Variants in BAIAP2L1 observed in about 807,000 individuals in gnomAD.
BAIAP2L1 encodes BAR/IMD domain containing adaptor protein 2 like 1.
In BAIAP2L1, 35 loss-of-function variants were observed where a neutral mutation model predicts 66.3. The ratio of observed to expected loss-of-function variants is 0.53; its 90% CI spans 0.40 to 0.70. The LOEUF is 0.70. BAIAP2L1 is among the 30% of genes least tolerant of loss of function. BAIAP2L1 has a pLI of 0.00. For synonymous variants in BAIAP2L1, 269 were observed against 248.7 expected (o/e 1.08, Z -0.77); for missense variants, 622 against 656.9 (o/e 0.95, Z 0.58).
intron 1 of BAIAP2L1, chr7:98,386,227 A>C (rs1234360970): frequency 1.9e-6 from 3 of 1,544,014 alleles, no homozygotes. Flanking sequence ...GTGAGCTTCA[A>C]TCATTGTCTG....
intron 1 of BAIAP2L1, among the ~76,000 whole-genome samples, chr7:98,397,731 A>C (rs1803250125): frequency 6.6e-6 from 1 of 152,104 alleles, no homozygotes; most frequent in African/African-American, 2.4e-5. Context: ...TCATCAGAAA[A>C]CCATGCAAAA....
chr7:98,301,462 C>CT (rs61208842), intron 12 of BAIAP2L1, among the ~76,000 whole-genome samples: 84 of 130,670 alleles, frequency 6.4e-4, no homozygotes, highest in East Asian at 1.4e-3. Flanking sequence ...AGCCTTCTAG[C>CT]TTTTTTTTTT....
chr7:98,315,146 G>C (rs563135394), intron 7 of BAIAP2L1, among the ~76,000 whole-genome samples: 1 of 152,282 alleles, frequency 6.6e-6, no homozygotes, highest in South Asian at 2.1e-4. Context: ...GATTGAGACA[G>C]GGTCCCGCTC....
At chr7:98,337,813 G>A (rs765402373) in intron 3 of BAIAP2L1, among the ~76,000 whole-genome samples, 1 of 152,048 alleles carries the variant, frequency 6.6e-6, no homozygotes, top group Non-Finnish European at 1.5e-5. Context: ...AGCTACTCAG[G>A]AGGCTAAGGT....
chr7:98,336,275 CA>C (rs1801614715), intron 3 of BAIAP2L1, among the ~76,000 whole-genome samples: 1 of 152,192 alleles, frequency 6.6e-6, no homozygotes, highest in Admixed American at 6.5e-5. Flanking sequence ...CAAACCCACA[CA>C]TGCACCCCCC....
chr7:98,346,822 C>T (rs1801881305), intron 3 of BAIAP2L1, among the ~76,000 whole-genome samples: 1 of 152,076 alleles, frequency 6.6e-6, no homozygotes, highest in African/African-American at 2.4e-5. Context: ...CTGAGTCAAA[C>T]GTAGATGGAA....
At chr7:98,381,685 T>C (rs769334128) in intron 1 of BAIAP2L1, among the ~76,000 whole-genome samples, 3 of 152,176 alleles carry the variant, frequency 2.0e-5, no homozygotes, top group Non-Finnish European at 4.4e-5. Flanking sequence ...TGACCTTTCA[T>C]TCAGTTGCTT....
intron 8 of BAIAP2L1, 42 bp from the exon 9 acceptor site, chr7:98,310,634 G>A: frequency 6.9e-7 from 1 of 1,445,772 alleles, no homozygotes; most frequent in Non-Finnish European, 9.2e-7. Flanking sequence ...GTATAGTGCA[G>A]AACCGGAATT....
At chr7:98,367,611 C>T (rs1802415881) in intron 1 of BAIAP2L1, among the ~76,000 whole-genome samples, 3 of 149,088 alleles carry the variant, frequency 2.0e-5, no homozygotes, top group African/African-American at 7.4e-5. Context: ...TCTCGGCTCA[C>T]TGCAAGCTCT....
In BAIAP2L1 at chr7:98,293,683, G is replaced by T. The variant is rs1203631633; in HGVS notation, c.1461-87C>A. On this transcript the variant is annotated intron_variant, in intron 13 of 13. Transcript: ENST00000005260. Reference sequence around the variant, plus strand: ...AGTGCTAATAACCCGTTCTTGCCCTGTGAGACTGGGCGGCTGACCACCTCC... The same window carrying T: ...AGTGCTAATAACCCGTTCTTGCCCTTTGAGACTGGGCGGCTGACCACCTCC... 8.2e-6 allele frequency: 11 copies of T among 1,339,134 alleles called. No homozygotes were observed. The African/African-American group carries it at 1.1e-4, about 14-fold the overall frequency. 83.0% of individuals were successfully genotyped at this position (1,339,134 alleles called of 1,614,324 possible).
At chr7:98,303,179 A>C (rs1800496281) in intron 12 of BAIAP2L1, among the ~76,000 whole-genome samples, 1 of 152,058 alleles carries the variant, frequency 6.6e-6, no homozygotes, top group Non-Finnish European at 1.5e-5. Context: ...ACGTTCCCAG[A>C]CTCCTCAAGG....
chr7:98,367,820 C>T (rs956863996), intron 1 of BAIAP2L1, among the ~76,000 whole-genome samples: 4 of 151,902 alleles, frequency 2.6e-5, no homozygotes, highest in African/African-American at 4.8e-5. Flanking sequence ...GATGGGGTTT[C>T]GCCATGTTGG....
Position 98,400,910 on chromosome 7 carries a change from G to A in BAIAP2L1, c.-58C>T, listed in dbSNP as rs901648686. The A allele has an allele frequency of 9.9e-4, 1,459 of 1,473,164 alleles. 1 individual carries two copies. The highest frequency in any genetic ancestry group is 1.2e-3 in the Non-Finnish European group (1,376 of 1,111,840). 91.3% of individuals were successfully genotyped at this position (1,473,164 alleles called of 1,614,324 possible). A position where few individuals can be genotyped will look rare whatever the true frequency, so the allele number is the denominator to read the frequency against. On this transcript the variant is annotated 5_prime_UTR_variant, in exon 1 of 14. Coordinates refer to ENST00000005260, the MANE Select transcript of BAIAP2L1 (RefSeq NM_018842.5). ...GACGCGGCTGGGCCTCGTGGCCGCC[G>A]GACTCCGGGCAGCGGGAGGGCCGGG...
At chr7:98,393,780 T>C (rs62478233) in intron 1 of BAIAP2L1, among the ~76,000 whole-genome samples, 57,325 of 145,830 alleles carry the variant, frequency 0.39, 12,376 homozygotes, top group Middle Eastern at 0.55. Context: ...CCACCGCGCC[T>C]GGTTTATGTA....
chr7:98,304,865 A>ATT (rs11423233), intron 11 of BAIAP2L1, among the ~76,000 whole-genome samples: 221 of 136,296 alleles, frequency 1.6e-3, no homozygotes, highest in Non-Finnish European at 2.4e-3. Flanking sequence ...CTCACAAGAA[A>ATT]TTTTTTTTTT....
At chr7:98,307,380 A>G in intron 10 of BAIAP2L1, 1 of 1,183,346 alleles carries the variant, frequency 8.5e-7, no homozygotes, top group South Asian at 1.8e-5. Context: ...TGCTGGGATT[A>G]CAAGCATGAG....
chr7:98,305,447 C>T (rs982258515), intron 11 of BAIAP2L1, among the ~76,000 whole-genome samples: 9 of 152,036 alleles, frequency 5.9e-5, no homozygotes, highest in African/African-American at 2.2e-4. Flanking sequence ...AGCATCAGAC[C>T]CTGGGGAATG....
intron 1 of BAIAP2L1, among the ~76,000 whole-genome samples, chr7:98,380,602 T>C (rs7787858): frequency 0.38 from 57,320 of 151,416 alleles, 12,358 homozygotes; most frequent in Middle Eastern, 0.54. Flanking sequence ...CAATTCAAAA[T>C]GAGATTCGGG....
intron 3 of BAIAP2L1, among the ~76,000 whole-genome samples, chr7:98,352,348 A>G (rs1373855802): frequency 6.6e-6 from 1 of 152,208 alleles, no homozygotes; most frequent in East Asian, 1.9e-4. Context: ...AATAAAATAC[A>G]TACGCACAAG....
Sources: gnomAD v4.1 joint callset for allele counts (sites outside exome capture counted in the v4.1 genomes callset) on GRCh38, gnomAD v4.1.1 for gene constraint, MANE v1.5 for transcripts, NCBI Gene and HGNC (gene_info 2026-07-23, HGNC 2026-07-21) for gene names.